The following DCDC2 variants were observed in gnomAD, a reference collection of about 807,000 sequenced individuals.
DCDC2 encodes the protein doublecortin domain containing 2, also known as doublecortin domain-containing protein 2.
A neutral mutation model predicts 50.2 loss-of-function variants in DCDC2; 40 were observed. That is an observed-to-expected ratio of 0.80 (90% CI 0.62 to 1.04). The LOEUF (loss-of-function observed/expected upper bound fraction) is 1.04, where lower values mean the gene tolerates loss of function less well. DCDC2 is among the 50% of genes least tolerant of loss of function. The pLI is 0.00. For missense variants in DCDC2, 570 were observed against 581.9 expected (o/e 0.98, Z 0.21); for synonymous variants, 234 against 210.6 (o/e 1.11, Z -0.96).
At chr6:24,239,271 G>C (rs1221511483) in intron 7 of DCDC2, among the ~76,000 whole-genome samples, 1 of 151,948 alleles carries the variant, frequency 6.6e-6, no homozygotes, top group East Asian at 1.9e-4. Flanking sequence ...ATTCCCTTTG[G>C]ACCAAAAGGA....
chr6:24,207,476 T>C (rs1306530265), intron 7 of DCDC2, among the ~76,000 whole-genome samples: 9 of 152,180 alleles, frequency 5.9e-5, no homozygotes, highest in Admixed American at 5.9e-4. Context: ...TAATGAATAG[T>C]GCAAAATAGG....
chr6:24,372,673 A>G, the DCDC2 span, among the ~76,000 whole-genome samples: 1 of 151,974 alleles, frequency 6.6e-6, no homozygotes, highest in Admixed American at 6.6e-5. Context: ...AGGACAAAAA[A>G]CCAAACACCG....
chr6:24,247,220 G>A (rs1252351738), intron 7 of DCDC2, among the ~76,000 whole-genome samples: 1 of 152,106 alleles, frequency 6.6e-6, no homozygotes, highest in Non-Finnish European at 1.5e-5. Flanking sequence ...TAGCGGTTAA[G>A]GTAGTTTGAT....
At chr6:24,331,371 G>T (rs1011226490) in intron 2 of DCDC2, among the ~76,000 whole-genome samples, 2 of 151,322 alleles carry the variant, frequency 1.3e-5, no homozygotes, top group African/African-American at 4.9e-5. Flanking sequence ...CACAATCACA[G>T]CTCACTGCAA....
At chr6:24,255,776 G>A (rs1479325182) in intron 7 of DCDC2, among the ~76,000 whole-genome samples, 1 of 152,120 alleles carries the variant, frequency 6.6e-6, no homozygotes, top group African/African-American at 2.4e-5. Flanking sequence ...TATTGGTGAG[G>A]CTGTACAGCA....
chr6:24,177,965 G>A (rs1760961928), intron 9 of DCDC2, among the ~76,000 whole-genome samples: 1 of 151,862 alleles, frequency 6.6e-6, no homozygotes. Context: ...TTCTTTTTTG[G>A]TTTCTACCTT....
rs550068892 is a variant in DCDC2 at position 24,357,111 on chromosome 6, A to G, written c.293+347T>C. On this transcript the variant is annotated intron_variant, in intron 1 of 9. Coordinates refer to ENST00000378454, the MANE Select transcript of DCDC2 (RefSeq NM_016356.5). ...AAATTAAAAGGATGGATTTCCAAGG[A>G]AAAAAAATAAGGAAAAGGAAAGAAA... 7.8e-5 allele frequency: 15 copies of G among 191,360 alleles called. 1 individual carries two copies. Among genetic ancestry groups the G allele is most frequent in the African/African-American group, 2.8e-4 (12 of 42,906 alleles). The allele number at this position is 191,360 out of a possible 1,614,324, so 11.9% of individuals were successfully genotyped here.
intron 2 of DCDC2, among the ~76,000 whole-genome samples, chr6:24,349,788 G>C (rs1760332193): frequency 6.6e-6 from 1 of 152,090 alleles, no homozygotes; most frequent in African/African-American, 2.4e-5. Context: ...TATGCAAAAT[G>C]ACTCAGGAGC....
At chr6:24,285,194 A>G (rs927208881) in intron 6 of DCDC2, among the ~76,000 whole-genome samples, 1 of 152,166 alleles carries the variant, frequency 6.6e-6, no homozygotes, top group Non-Finnish European at 1.5e-5. Flanking sequence ...GGAGTGGATG[A>G]ATACAGGGTG....
chr6:24,205,030 T>C lies in DCDC2; in HGVS notation c.995A>G (p.Asp332Gly), dbSNP rs150003705. The C allele has an allele frequency of 6.2e-7, 1 of 1,614,118 alleles. No individual in the cohort carries two copies. The highest frequency in any genetic ancestry group is 1.3e-5 in the African/African-American group (1 of 75,058). Residue 332 changes from aspartate to glycine, a missense_variant, in exon 8 of 10, where the codon GAT becomes GGT. Transcript: ENST00000378454. ...RGAAEVQEDE[D>G]TQVEVPVDQR... ...ATCGACTGGAACCTCAACCTGAGTA[T>C]CTTCATCTTCTTGGACTTCTGCTGC...
chr6:24,322,178 T>A (rs535184290), intron 2 of DCDC2, among the ~76,000 whole-genome samples: 1 of 152,312 alleles, frequency 6.6e-6, no homozygotes, highest in Admixed American at 6.5e-5. Context: ...TACAATGCAC[T>A]GAACAGGGAA....
chr6:24,202,619 G>C (rs1311264245), intron 8 of DCDC2, among the ~76,000 whole-genome samples: 3 of 152,114 alleles, frequency 2.0e-5, no homozygotes. Context: ...CATAGTATTA[G>C]AAGTTCTGGC....
At chr6:24,220,879 A>AGAGCGAGC (rs111880904) in intron 7 of DCDC2, among the ~76,000 whole-genome samples, 1 of 106,976 alleles carries the variant, frequency 9.3e-6, no homozygotes, top group African/African-American at 4.6e-5. Flanking sequence ...CAAGAGAGCG[A>AGAGCGAGC]GAGCGAGAGA....
intron 7 of DCDC2, among the ~76,000 whole-genome samples, chr6:24,269,418 G>C (rs1043374415): frequency 1.3e-5 from 2 of 152,150 alleles, no homozygotes; most frequent in Non-Finnish European, 2.9e-5. Context: ...AAAGGGAAAA[G>C]GTAAATTGCA....
chr6:24,304,837 G>T (rs1476749648), intron 2 of DCDC2, among the ~76,000 whole-genome samples: 2 of 152,140 alleles, frequency 1.3e-5, no homozygotes, highest in East Asian at 1.9e-4. Context: ...ACAGGGTGTT[G>T]CTCTGTCACC....
chr6:24,252,066 C>G (rs1324031529), intron 7 of DCDC2, among the ~76,000 whole-genome samples: 1 of 152,184 alleles, frequency 6.6e-6, no homozygotes, highest in Non-Finnish European at 1.5e-5. Context: ...TCCTCTCCAG[C>G]CAAAGTAATT....
At chr6:24,232,345 C>A (rs1350020648) in intron 7 of DCDC2, among the ~76,000 whole-genome samples, 3 of 152,166 alleles carry the variant, frequency 2.0e-5, no homozygotes. Flanking sequence ...GAAGGACATT[C>A]TCTCGTTTAA....
intron 2 of DCDC2, among the ~76,000 whole-genome samples, chr6:24,343,084 T>C (rs1187028905): frequency 7.3e-5 from 11 of 150,910 alleles, no homozygotes; most frequent in Admixed American, 5.9e-4. Flanking sequence ...ACAGAGTCTC[T>C]TTCTGTCGCC....
intron 2 of DCDC2, among the ~76,000 whole-genome samples, chr6:24,311,271 G>A (rs1759566345): frequency 6.6e-6 from 1 of 152,140 alleles, no homozygotes; most frequent in Admixed American, 6.5e-5. Flanking sequence ...CATTTTGTCT[G>A]AACTTTTCAT....
Sources: gnomAD v4.1 joint callset for allele counts (sites outside exome capture counted in the v4.1 genomes callset) on GRCh38, gnomAD v4.1.1 for gene constraint, MANE v1.5 for transcripts, NCBI Gene and HGNC (gene_info 2026-07-23, HGNC 2026-07-21) for gene names.